The following ANTKMT variants were observed in gnomAD, a reference collection of about 807,000 sequenced individuals.
ANTKMT encodes adenine nucleotide translocase lysine N-methyltransferase.
ANTKMT carries 24 observed loss-of-function variants against 20.7 expected under a neutral mutation model. The observed-to-expected ratio is 1.16, with a 90% CI of 0.84 to 1.63. The LOEUF is 1.63. ANTKMT is among the 40% of genes most tolerant of loss of function. The pLI is 0.00. For synonymous variants in ANTKMT, 193 were observed against 161.2 expected, an observed-to-expected ratio of 1.20 and a Z score of -1.49; for missense variants, 428 against 334.8, an observed-to-expected ratio of 1.28 and a Z score of -2.17.
In ANTKMT at chr16:721,430, G is replaced by A; in HGVS notation, c.156G>A (p.Arg52=). The A allele has an allele frequency of 7.7e-7, 1 of 1,300,588 alleles. No homozygotes were observed. Among genetic ancestry groups the A allele is most frequent in the Non-Finnish European group, 9.7e-7 (1 of 1,031,112 alleles). 80.6% of individuals were successfully genotyped at this position (1,300,588 alleles called of 1,614,324 possible). Residue 52 remains arginine (R), a synonymous_variant, in exon 1 of 5, where the codon CGG becomes CGA. Coordinates refer to ENST00000569529, the MANE Select transcript of ANTKMT (RefSeq NM_023933.3). ...LQPGFRRVPL[R]LQVPYVGASA... is the part of the protein sequence containing the mutation. Reference sequence around the variant, plus strand: ...CCGGCTTCCGGCGCGTGCCGCTGCGGCTGCAGGTGCGGGGCGGGGCCAGGC... The same window carrying A: ...CCGGCTTCCGGCGCGTGCCGCTGCGACTGCAGGTGCGGGGCGGGGCCAGGC...
In ANTKMT at chr16:721,356, GC is replaced by G. The variant is rs1299940869; in HGVS notation, c.84del (p.Gly29AlafsTer78). 1.6e-5 allele frequency: 21 copies of G among 1,335,086 alleles called. No individual in the cohort carries two copies. The highest frequency in any genetic ancestry group is 7.1e-5 in the Admixed American group (2 of 28,082). 82.7% of individuals were successfully genotyped at this position (1,335,086 alleles called of 1,614,324 possible). A position where few individuals can be genotyped will look rare whatever the true frequency, so the allele number is the denominator to read the frequency against. On this transcript the variant is annotated frameshift_variant, in exon 1 of 5. Transcript: ENST00000569529. LOFTEE classifies it high-confidence loss of function. ...CGCGCTGGAGCTGCTGCAGGCGGCG[GC>G]CGGCTCGGGCTTGGCAGCCTACGCG... ...LGALELLQAA[A>X]GSGLAAYAVW...
In ANTKMT at chr16:721,868, C is replaced by G; in HGVS notation, c.335C>G (p.Ala112Gly). 1.3e-6 allele frequency: 2 copies of G among 1,566,696 alleles called. No homozygotes were observed. Among genetic ancestry groups the G allele is most frequent in the Non-Finnish European group, 1.7e-6 (2 of 1,163,400 alleles). The change falls in exon 3 of 5, where the codon GCG becomes GGG. Residue 112 changes from alanine (A) to glycine (G), a missense_variant. By Grantham distance (60) the Ala-to-Gly change is moderately conservative. Transcript: ENST00000569529. The stretch of plus-strand genomic sequence containing the variant: ...TACGAGCTGAACCCCTGGCTGGTGG[C>G]GCTGGCGCGGCTGCACGCCTGGAGG... ...VGYELNPWLVALARLHAWRAG... is the reference protein window; with the variant it reads ...VGYELNPWLVGLARLHAWRAG...
Position 721,336 on chromosome 16 carries a change from T to TGGAGCTGCTGCAGGCGGCGGCC in ANTKMT, c.65_86dup (p.Ser30AlafsTer130). On this transcript the variant is annotated frameshift_variant, in exon 1 of 5. Coordinates refer to ENST00000569529, the MANE Select transcript of ANTKMT (RefSeq NM_023933.3). LOFTEE classifies it high-confidence loss of function. ...CTGCGCGAGCGGCGGCTGGGCGCGC[T>TGGAGCTGCTGCAGGCGGCGGCC]GGAGCTGCTGCAGGCGGCGGCCGGC... is the stretch of plus-strand genomic sequence containing the variant. 7.4e-7 allele frequency: 1 copy of TGGAGCTGCTGCAGGCGGCGGCC among 1,349,108 alleles called. No homozygotes were observed. Among genetic ancestry groups the TGGAGCTGCTGCAGGCGGCGGCC allele is most frequent in the Non-Finnish European group, 9.5e-7 (1 of 1,049,712 alleles). The allele number at this position is 1,349,108 out of a possible 1,614,324, so 83.6% of individuals were successfully genotyped here.
rs149844405 is a variant in ANTKMT, at chr16:721,422, C to T, written c.148C>T (p.Pro50Ser). The T allele has an allele frequency of 2.3e-6, 3 of 1,297,710 alleles. No individual in the cohort carries two copies. The highest frequency in any genetic ancestry group is 2.9e-6 in the Non-Finnish European group (3 of 1,029,342). The allele number at this position is 1,297,710 out of a possible 1,614,324, so 80.4% of individuals were successfully genotyped here. The change falls in exon 1 of 5, where the codon CCG (proline) becomes TCG (serine). Residue 50 changes from proline (P) to serine (S), a missense_variant. Pro to Ser is a moderately conservative substitution (Grantham distance 74). Coordinates refer to ENST00000569529, the MANE Select transcript of ANTKMT (RefSeq NM_023933.3). ...GCTCCAGCCCGGCTTCCGGCGCGTGCCGCTGCGGCTGCAGGTGCGGGGCGG... is the reference window on the plus strand; with the variant it reads ...GCTCCAGCCCGGCTTCCGGCGCGTGTCGCTGCGGCTGCAGGTGCGGGGCGG... ...LLLQPGFRRV[P>S]LRLQVPYVGA...
In ANTKMT at chr16:722,131, C is replaced by T; in HGVS notation, c.456C>T (p.Ser152=). ...CRNVSVFLAP[S]VLPLLEDKLR... Reference sequence around the variant, plus strand: ...ACGTGTCTGTGTTCCTGGCCCCTAGCGTGGTAGGTGCGGGGTTGCCAGCCC... The same window carrying T: ...ACGTGTCTGTGTTCCTGGCCCCTAGTGTGGTAGGTGCGGGGTTGCCAGCCC... The change falls in exon 4 of 5, where the codon AGC becomes AGT. Residue 152 remains serine, a synonymous_variant. Transcript: ENST00000569529. 8 of 1,608,152 alleles carry T rather than the reference C, an allele frequency of 5.0e-6. No individual in the cohort carries two copies. The highest frequency in any genetic ancestry group is 6.8e-6 in the Non-Finnish European group (8 of 1,178,778).
In ANTKMT at chr16:722,113, T is replaced by C; in HGVS notation, c.438T>C (p.Ser146=). Residue 146 remains serine (S), a synonymous_variant, in exon 4 of 5, where the codon TCT becomes TCC. Transcript: ENST00000569529. ...GCCTGAGGGACTGCCGCAACGTGTC[T>C]GTGTTCCTGGCCCCTAGCGTGGTAG... is the stretch of plus-strand genomic sequence containing the variant. The part of the protein sequence containing the change: ...KVSLRDCRNV[S]VFLAPSVLPL... 1 of 1,609,268 alleles carries C rather than the reference T, an allele frequency of 6.2e-7. No individual in the cohort carries two copies.
At position 721,287 on chromosome 16, in the gene ANTKMT, G is replaced by C. The variant is rs749191525; in HGVS notation, c.13G>C (p.Asp5His). The C allele has an allele frequency of 1.5e-6, 2 of 1,331,968 alleles. No individual in the cohort carries two copies. The highest frequency in any genetic ancestry group is 1.8e-5 in the South Asian group (1 of 54,720). 82.5% of individuals were successfully genotyped at this position (1,331,968 alleles called of 1,614,324 possible). A position where few individuals can be genotyped will look rare whatever the true frequency, so the allele number is the denominator to read the frequency against. MEQD[D>H]PVEALTELRE... ...GCGTCCCGCAGCCATGGAGCAGGAC[G>C]ACCCGGTCGAGGCGCTGACGGAGCT... The change falls in exon 1 of 5, where the codon GAC becomes CAC. Residue 5 changes from aspartate to histidine, a missense_variant. Coordinates refer to ENST00000569529, the MANE Select transcript of ANTKMT (RefSeq NM_023933.3).
Position 721,841 on chromosome 16 carries a change from G to C in ANTKMT, c.308G>C (p.Gly103Ala). ...AGGTGCGGCCTCCGCCCGGCCGTGG[G>C]CTACGAGCTGAACCCCTGGCTGGTG... The part of the protein sequence containing the change: ...AHRCGLRPAV[G>A]YELNPWLVAL... Residue 103 changes from glycine to alanine, a missense_variant, in exon 3 of 5, where the codon GGC (glycine) becomes GCC (alanine). Coordinates refer to ENST00000569529, the MANE Select transcript of ANTKMT (RefSeq NM_023933.3). 1.9e-6 allele frequency: 3 copies of C among 1,561,566 alleles called. No individual in the cohort carries two copies. Among genetic ancestry groups the C allele is most frequent in the African/African-American group, 1.3e-5 (1 of 74,308 alleles).
Position 722,526 on chromosome 16 carries a change from T to C in ANTKMT, c.677T>C (p.Ile226Thr). The C allele has an allele frequency of 6.3e-7, 1 of 1,594,350 alleles. No homozygotes were observed. Among genetic ancestry groups the C allele is most frequent in the African/African-American group, 1.4e-5 (1 of 72,402 alleles). Residue 226 changes from isoleucine to threonine, a missense_variant, in exon 5 of 5, where the codon ATC (isoleucine) becomes ACC (threonine). By Grantham distance (89) the Ile-to-Thr change is moderately conservative. Transcript: ENST00000569529. ...GCCCCCGGACCTAGTTCTGCCCCCA[T>C]CCCGGGGGGCCTTATTTCTCAGGCC... ...QAAPGPSSAP[I>T]PGGLISQAS
intron 1 of ANTKMT, 23 bp downstream of exon 1, chr16:721,459 G>A: frequency 7.3e-7 from 1 of 1,362,156 alleles, no homozygotes; most frequent in East Asian, 3.1e-5. Flanking sequence ...GCCAGGCCGG[G>A]CAGGGGAGCT....
chr16:721,464 G>T, intron 1 of ANTKMT, 28 bp downstream of exon 1: 3 of 1,365,244 alleles, frequency 2.2e-6, no homozygotes, highest in Non-Finnish European at 2.8e-6. Context: ...GCCGGGCAGG[G>T]GAGCTCGGCT....
At position 721,425 on chromosome 16, in the gene ANTKMT, C is replaced by G; in HGVS notation, c.151C>G (p.Leu51Val). Reference sequence around the variant, plus strand: ...CCAGCCCGGCTTCCGGCGCGTGCCGCTGCGGCTGCAGGTGCGGGGCGGGGC... The same window carrying G: ...CCAGCCCGGCTTCCGGCGCGTGCCGGTGCGGCTGCAGGTGCGGGGCGGGGC... ...LLQPGFRRVP[L>V]RLQVPYVGAS... is the part of the protein sequence containing the mutation. Residue 51 changes from leucine (L) to valine (V), a missense_variant, in exon 1 of 5, where the codon CTG (leucine) becomes GTG (valine). Coordinates refer to ENST00000569529, the MANE Select transcript of ANTKMT (RefSeq NM_023933.3). 7.7e-7 allele frequency: 1 copy of G among 1,298,732 alleles called. No individual in the cohort carries two copies. Among genetic ancestry groups the G allele is most frequent in the South Asian group, 2.4e-5 (1 of 41,256 alleles). 80.5% of individuals were successfully genotyped at this position (1,298,732 alleles called of 1,614,324 possible). A position where few individuals can be genotyped will look rare whatever the true frequency, so the allele number is the denominator to read the frequency against.
In ANTKMT at chr16:721,153, G is replaced by C. The variant is rs916688942; in HGVS notation, c.-122G>C. 2.0e-6 allele frequency: 2 copies of C among 1,017,312 alleles called. No individual in the cohort carries two copies. The highest frequency in any genetic ancestry group is 3.4e-5 in the African/African-American group (2 of 59,228). The allele number at this position is 1,017,312 out of a possible 1,614,324, so 63.0% of individuals were successfully genotyped here. On this transcript the variant is annotated 5_prime_UTR_variant, in exon 1 of 5. Transcript: ENST00000569529. ...GCGCAGGCTCTGCCGGCCACTTCCGGTGTCGCGCGGCGGCTCCCGGCAGGA... is the reference window on the plus strand; with the variant it reads ...GCGCAGGCTCTGCCGGCCACTTCCGCTGTCGCGCGGCGGCTCCCGGCAGGA...
chr16:721,931 A>ATCTC lies in ANTKMT; in HGVS notation c.400_403dup (p.Trp135SerfsTer19). ...GGCAGCGTCTGCTATCGCCGCAAGG[A>ATCTC]TCTCTGGAAGGTAACCTGGGGATCC... is the stretch of plus-strand genomic sequence containing the variant. On this transcript the variant is annotated frameshift_variant, in exon 3 of 5. Coordinates refer to ENST00000569529, the MANE Select transcript of ANTKMT (RefSeq NM_023933.3). LOFTEE classifies it high-confidence loss of function. The ATCTC allele has an allele frequency of 6.4e-7, 1 of 1,572,750 alleles. No individual in the cohort carries two copies. The highest frequency in any genetic ancestry group is 2.3e-5 in the East Asian group (1 of 43,942).
At position 722,576 on chromosome 16, in the gene ANTKMT, ACT is replaced by A. The variant is rs1488868690; in HGVS notation, c.*22_*23del. On this transcript the variant is annotated 3_prime_UTR_variant, in exon 5 of 5. Transcript: ENST00000569529. ...CAGCTGAGTATTAGACACGATAAAG[ACT>A]CTGTGGGTTCTATCCTGACTCATGT... is the stretch of plus-strand genomic sequence containing the variant. 1.4e-6 allele frequency: 2 copies of A among 1,434,724 alleles called. No individual in the cohort carries two copies. The highest frequency in any genetic ancestry group is 3.1e-5 in the East Asian group (1 of 31,922). 88.9% of individuals were successfully genotyped at this position (1,434,724 alleles called of 1,614,324 possible). A position where few individuals can be genotyped will look rare whatever the true frequency, so the allele number is the denominator to read the frequency against.
At position 721,456 on chromosome 16, in the gene ANTKMT, C is replaced by T. The variant is rs1177135610; in HGVS notation, c.162+20C>T. On this transcript the variant is annotated intron_variant, in intron 1 of 4. Transcript: ENST00000569529. ...CTGCAGGTGCGGGGCGGGGCCAGGC[C>T]GGGCAGGGGAGCTCGGCTGCCGCTC... The T allele has an allele frequency of 4.5e-6, 6 of 1,338,294 alleles. No homozygotes were observed. In the South Asian group the frequency reaches 9.6e-5, roughly 21 times the overall value. The allele number at this position is 1,338,294 out of a possible 1,614,324, so 82.9% of individuals were successfully genotyped here. A position where few individuals can be genotyped will look rare whatever the true frequency, so the allele number is the denominator to read the frequency against.
Position 722,402 on chromosome 16 carries a change from A to T in ANTKMT, c.553A>T (p.Thr185Ser). ...CCCACTCCCCACCTGGCAGCCTGTG[A>T]CCGCGGTTGGCGAGGGCCTGGACCG... is the stretch of plus-strand genomic sequence containing the variant. The part of the protein sequence containing the change: ...RFPLPTWQPV[T>S]AVGEGLDRVW... The change falls in exon 5 of 5, where the codon ACC (threonine) becomes TCC (serine). Residue 185 changes from threonine (T) to serine (S), a missense_variant. Transcript: ENST00000569529. The T allele has an allele frequency of 6.2e-7, 1 of 1,602,666 alleles. No homozygotes were observed. The highest frequency in any genetic ancestry group is 8.5e-7 in the Non-Finnish European group (1 of 1,174,800).
chr16:722,579 CTG>C lies in ANTKMT; in HGVS notation c.*25_*26del, dbSNP rs781353913. The C allele has an allele frequency of 6.3e-6, 8 of 1,276,406 alleles. No homozygotes were observed. The highest frequency in any genetic ancestry group is 5.8e-5 in the South Asian group (5 of 86,066). The allele number at this position is 1,276,406 out of a possible 1,614,324, so 79.1% of individuals were successfully genotyped here. A position where few individuals can be genotyped will look rare whatever the true frequency, so the allele number is the denominator to read the frequency against. On this transcript the variant is annotated 3_prime_UTR_variant, in exon 5 of 5. Transcript: ENST00000569529. ...CTGAGTATTAGACACGATAAAGACT[CTG>C]TGGGTTCTATCCTGACTCATGTTTT...
chr16:721,711 C>T lies in ANTKMT; in HGVS notation c.267+9C>T. ...CTGGCGACGGCAGGATCGTAAGTGC[C>T]TGCGTCTGGGTCTTCGCCGCCCCAC... On this transcript the variant is annotated intron_variant, in intron 2 of 4. Coordinates refer to ENST00000569529, the MANE Select transcript of ANTKMT (RefSeq NM_023933.3). 1 of 1,548,298 alleles carries T rather than the reference C, an allele frequency of 6.5e-7. No individual in the cohort carries two copies. The highest frequency in any genetic ancestry group is 8.7e-7 in the Non-Finnish European group (1 of 1,146,378).
Sources: allele counts gnomAD v4.1 joint callset, GRCh38; gene constraint gnomAD v4.1.1; transcripts MANE v1.5; gene names NCBI Gene and HGNC (gene_info 2026-07-23, HGNC 2026-07-21).